ARHGAP5: variants seen among roughly 807,000 people sequenced by gnomAD.
The protein encoded by ARHGAP5 is rho GTPase-activating protein 5.
In ARHGAP5, 23 loss-of-function variants were observed where a neutral mutation model predicts 116.6. The ratio of observed to expected loss-of-function variants is 0.20; its 90% CI spans 0.14 to 0.28. The LOEUF is 0.28. Among genes scored for constraint, ARHGAP5 ranks in the 10% least tolerant of loss-of-function variants. The probability of loss-of-function intolerance (pLI) is 1.00; values close to 1 mark genes in which losing one functional copy is unlikely to be tolerated. For missense variants in ARHGAP5, 1,405 were observed against 1,774.8 expected, an observed-to-expected ratio of 0.79 and a Z score of 3.74; for synonymous variants, 574 against 602.0, an observed-to-expected ratio of 0.95 and a Z score of 0.68.
intron 3 of ARHGAP5, among the ~76,000 whole-genome samples, chr14:32,119,945 G>GT (rs1879799244): frequency 6.6e-6 from 1 of 151,996 alleles, no homozygotes; most frequent in Admixed American, 6.5e-5. Flanking sequence ...TTTTCTTGCA[G>GT]TGTCTTTGTT....
At chr14:32,122,595 G>A (rs1257952746) in intron 3 of ARHGAP5, among the ~76,000 whole-genome samples, 4 of 152,128 alleles carry the variant, frequency 2.6e-5, no homozygotes, top group East Asian at 1.9e-4. Flanking sequence ...CCTAATCCAA[G>A]GTCACAAAGA....
chr14:32,130,364 A>G (rs189684244), intron 3 of ARHGAP5, among the ~76,000 whole-genome samples: 8 of 147,996 alleles, frequency 5.4e-5, no homozygotes, highest in African/African-American at 1.0e-4. Context: ...GGTGCCTGCT[A>G]TCACACCAGG....
intron 2 of ARHGAP5, among the ~76,000 whole-genome samples, chr14:32,096,060 A>G (rs1594350381): frequency 6.6e-6 from 1 of 152,038 alleles, no homozygotes; most frequent in East Asian, 1.9e-4. Flanking sequence ...CATATTTGCC[A>G]ATTATCTACA....
chr14:32,154,899 C>G lies in ARHGAP5; in HGVS notation c.4460C>G (p.Pro1487Arg). ...CTTCAGTTGCCGCCACCATTGCAACCTCAGCTGATACAACCACAATTACAA... is the reference window on the plus strand; with the variant it reads ...CTTCAGTTGCCGCCACCATTGCAACGTCAGCTGATACAACCACAATTACAA... ...VPLQLPPPLQ[P>R]QLIQPQLQTD... Residue 1487 changes from proline (P) to arginine (R), a missense_variant, in exon 7 of 7, where the codon CCT (proline) becomes CGT (arginine). By Grantham distance (103) the Pro-to-Arg change is moderately radical. Transcript: ENST00000345122. 6.2e-7 allele frequency: 1 copy of G among 1,613,990 alleles called. No individual in the cohort carries two copies. The highest frequency in any genetic ancestry group is 8.5e-7 in the Non-Finnish European group (1 of 1,179,898).
chr14:32,132,559 T>C (rs1413334039), intron 3 of ARHGAP5, among the ~76,000 whole-genome samples: 1 of 152,368 alleles, frequency 6.6e-6, no homozygotes, highest in Middle Eastern at 3.4e-3. Flanking sequence ...GATGGTAGTT[T>C]CTTTTGCTGT....
intron 3 of ARHGAP5, among the ~76,000 whole-genome samples, chr14:32,119,949 CTTTG>C (rs1194754224): frequency 1.2e-4 from 19 of 152,050 alleles, no homozygotes; most frequent in East Asian, 1.9e-4. Context: ...CTTGCAGTGT[CTTTG>C]TTTGGTTGGT....
At chr14:32,083,115 G>A (rs866345383) in intron 1 of ARHGAP5, among the ~76,000 whole-genome samples, 2 of 152,210 alleles carry the variant, frequency 1.3e-5, no homozygotes, top group African/African-American at 2.4e-5. Context: ...TCCAAATCTC[G>A]TCTATTTTTT....
intron 2 of ARHGAP5, among the ~76,000 whole-genome samples, chr14:32,105,192 G>T (rs1048475963): frequency 2.0e-5 from 3 of 152,114 alleles, no homozygotes; most frequent in Admixed American, 1.3e-4. Context: ...CAATAAGAAA[G>T]GTAGGGTTTT....
chr14:32,140,425 C>CA (rs34679707), intron 3 of ARHGAP5, among the ~76,000 whole-genome samples: 2,393 of 143,278 alleles, frequency 0.017, 64 homozygotes, highest in African/African-American at 0.055. Context: ...ACTAAAAATA[C>CA]AAAAAAAAAA....
chr14:32,135,899 G>A (rs964337938), intron 3 of ARHGAP5, among the ~76,000 whole-genome samples: 1 of 152,184 alleles, frequency 6.6e-6, no homozygotes, highest in Non-Finnish European at 1.5e-5. Context: ...TTTGATAACT[G>A]ATGAATGTAG....
At chr14:32,129,198 A>G (rs1880349168) in intron 3 of ARHGAP5, among the ~76,000 whole-genome samples, 2 of 152,214 alleles carry the variant, frequency 1.3e-5, no homozygotes, top group Admixed American at 6.5e-5. Flanking sequence ...TGTTTCTCTT[A>G]TAAGTAAATA....
intron 2 of ARHGAP5, among the ~76,000 whole-genome samples, chr14:32,095,739 C>A (rs1489102700): frequency 1.3e-5 from 2 of 152,102 alleles, no homozygotes; most frequent in South Asian, 2.1e-4. Flanking sequence ...TAATACTGAT[C>A]TAGACTTACA....
At chr14:32,087,918 T>A (rs916228410) in intron 1 of ARHGAP5, among the ~76,000 whole-genome samples, 2 of 152,092 alleles carry the variant, frequency 1.3e-5, no homozygotes, top group African/African-American at 4.8e-5. Flanking sequence ...GTCAAAAAGC[T>A]TTCCAGTTTT....
chr14:32,077,899 C>A (rs896843028), intron 1 of ARHGAP5, among the ~76,000 whole-genome samples: 1 of 152,174 alleles, frequency 6.6e-6, no homozygotes, highest in Non-Finnish European at 1.5e-5. Flanking sequence ...GAAACACAGT[C>A]TCGGTTGCAA....
chr14:32,099,695 A>G (rs913407533), intron 2 of ARHGAP5, among the ~76,000 whole-genome samples: 4 of 152,132 alleles, frequency 2.6e-5, no homozygotes, highest in Admixed American at 6.5e-5. Context: ...CATTTGCTGG[A>G]TTAGTTTTCT....
At chr14:32,139,755 TTGTC>T in intron 3 of ARHGAP5, among the ~76,000 whole-genome samples, 1 of 151,640 alleles carries the variant, frequency 6.6e-6, no homozygotes, top group East Asian at 1.9e-4. Flanking sequence ...AGGTTTAGCT[TTGTC>T]TTCTTTTTCT....
At chr14:32,080,853 A>G (rs1297424815) in intron 1 of ARHGAP5, among the ~76,000 whole-genome samples, 1 of 152,126 alleles carries the variant, frequency 6.6e-6, no homozygotes, top group Non-Finnish European at 1.5e-5. Context: ...CAGATTGTTG[A>G]TGCTTGGTCA....
At chr14:32,138,035 T>C (rs1880904580) in intron 3 of ARHGAP5, among the ~76,000 whole-genome samples, 1 of 151,950 alleles carries the variant, frequency 6.6e-6, no homozygotes, top group African/African-American at 2.4e-5. Context: ...TTTATTTAGA[T>C]CTTGATCTTT....
At chr14:32,150,084 A>T (rs757012375) in intron 5 of ARHGAP5, 51 bp downstream of exon 5, 2 of 1,438,724 alleles carry the variant, frequency 1.4e-6, no homozygotes, top group Admixed American at 4.7e-5. Flanking sequence ...CAGTTTTTGG[A>T]TATTGATTGC....
Sources: gnomAD v4.1 joint callset for allele counts (sites outside exome capture counted in the v4.1 genomes callset) on GRCh38, gnomAD v4.1.1 for gene constraint, MANE v1.5 for transcripts, NCBI Gene and HGNC (gene_info 2026-07-23, HGNC 2026-07-21) for gene names.